The following SNX18 variants were observed in gnomAD, a reference collection of about 807,000 sequenced individuals.
The protein encoded by SNX18 is sorting nexin 18.
SNX18 carries 35 observed loss-of-function variants against 48.7 expected under a neutral mutation model. The observed-to-expected ratio is 0.72, with a 90% confidence interval of 0.55 to 0.95. The LOEUF is 0.95. Ranked by LOEUF, SNX18 falls within the 40% of genes least tolerant of loss-of-function variation. The probability of loss-of-function intolerance (pLI) is 0.00; values close to 1 mark genes in which losing one functional copy is unlikely to be tolerated. For synonymous variants in SNX18, 492 were observed against 384.7 expected (o/e 1.28, Z -3.26); for missense variants, 824 against 871.0 (o/e 0.95, Z 0.68).
chr5:54,646,052 T>C, the SNX18 span: 1 of 152,228 alleles, frequency 6.6e-6, no homozygotes, highest in East Asian at 1.9e-4. Context: ...TTATTGCTTT[T>C]TTCTTTCCAT....
At chr5:54,588,389 G>A in the SNX18 span, among the ~76,000 whole-genome samples, 7 of 129,644 alleles carry the variant, frequency 5.4e-5, no homozygotes, top group Non-Finnish European at 9.3e-5. Flanking sequence ...GTGCAGTGGC[G>A]TGATCTCAGC....
At position 54,543,176 on chromosome 5, in the gene SNX18, C is replaced by T; in HGVS notation, c.1622-3C>T. 1 of 1,612,054 alleles carries T rather than the reference C, an allele frequency of 6.2e-7. No homozygotes were observed. The highest frequency in any genetic ancestry group is 8.5e-7 in the Non-Finnish European group (1 of 1,179,088). Reference sequence around the variant, plus strand: ...TTTAATTAATTGTTATTTTTAACTACAGGAGCTCTTACCAAAGTCAAGGAG... The same window carrying T: ...TTTAATTAATTGTTATTTTTAACTATAGGAGCTCTTACCAAAGTCAAGGAG... On this transcript the variant is annotated splice_region_variant and splice_polypyrimidine_tract_variant and intron_variant, in intron 1 of 1. Transcript: ENST00000381410.
At chr5:54,524,416 C>G (rs538261166) in intron 1 of SNX18, among the ~76,000 whole-genome samples, 1 of 152,188 alleles carries the variant, frequency 6.6e-6, no homozygotes. Context: ...CTCAGGGAGC[C>G]TATGAGGTTT....
At chr5:54,634,638 G>A in the SNX18 span, among the ~76,000 whole-genome samples, 2 of 151,488 alleles carry the variant, frequency 1.3e-5, no homozygotes, top group East Asian at 1.9e-4. Flanking sequence ...GATTGGACAC[G>A]CCTGCAACAA....
chr5:54,518,702 C>T lies in SNX18; in HGVS notation c.750C>T (p.Gly250=), dbSNP rs148015838. The T allele has an allele frequency of 0.014, 21,496 of 1,584,452 alleles. 180 individuals carry two copies. Among genetic ancestry groups the T allele is most frequent in the Non-Finnish European group, 0.016 (19,066 of 1,165,694 alleles). ...GEAFVLGEAS[G]FVKDGDKLCV... Reference sequence around the variant, plus strand: ...CCTTCGTGCTGGGGGAGGCGTCAGGCTTCGTGAAGGACGGGGACAAGCTGT... The same window carrying T: ...CCTTCGTGCTGGGGGAGGCGTCAGGTTTCGTGAAGGACGGGGACAAGCTGT... The change falls in exon 1 of 2, where the codon GGC becomes GGT. Residue 250 remains glycine (G), a synonymous_variant. Transcript: ENST00000381410.
the SNX18 span, among the ~76,000 whole-genome samples, chr5:54,598,681 T>C: frequency 6.6e-6 from 1 of 152,070 alleles, no homozygotes; most frequent in African/African-American, 2.4e-5. Flanking sequence ...AAATTCAGCA[T>C]CCCTTTTTGT....
chr5:54,569,324 TG>T, the SNX18 span, among the ~76,000 whole-genome samples: 1 of 152,184 alleles, frequency 6.6e-6, no homozygotes, highest in African/African-American at 2.4e-5. Flanking sequence ...TTATACTTTT[TG>T]CAAAAAGTTG....
chr5:54,639,460 T>C, the SNX18 span, among the ~76,000 whole-genome samples: 2 of 152,228 alleles, frequency 1.3e-5, no homozygotes, highest in Non-Finnish European at 2.9e-5. Flanking sequence ...AAAGCCAATG[T>C]CACTTCCAGT....
At chr5:54,589,597 T>TA in the SNX18 span, among the ~76,000 whole-genome samples, 2 of 152,232 alleles carry the variant, frequency 1.3e-5, no homozygotes, top group African/African-American at 4.8e-5. Flanking sequence ...GAAAATCATT[T>TA]AACCTTCGGC....
rs191782148 is a variant in SNX18, at chr5:54,543,650, A to G, written c.*218A>G. 89 of 532,206 alleles carry G rather than the reference A, an allele frequency of 1.7e-4. No homozygotes were observed. In the East Asian group the frequency reaches 2.1e-3, roughly 12 times the overall value. 33.0% of individuals were successfully genotyped at this position (532,206 alleles called of 1,614,324 possible). ...CCACACATTGTAACTAAATTATACTATGTATGCCTACACTACCATTGTAAC... is the reference window on the plus strand; with the variant it reads ...CCACACATTGTAACTAAATTATACTGTGTATGCCTACACTACCATTGTAAC... On this transcript the variant is annotated 3_prime_UTR_variant, in exon 2 of 2. Coordinates refer to ENST00000381410, the MANE Select transcript of SNX18 (RefSeq NM_001102575.2).
chr5:54,642,551 C>CTGAT, the SNX18 span, among the ~76,000 whole-genome samples: 1 of 152,180 alleles, frequency 6.6e-6, no homozygotes, highest in African/African-American at 2.4e-5. Flanking sequence ...TGGCAGTGAG[C>CTGAT]TGATGTTCAG....
At chr5:54,555,663 C>T in the SNX18 span, among the ~76,000 whole-genome samples, 1 of 151,534 alleles carries the variant, frequency 6.6e-6, no homozygotes, top group Non-Finnish European at 1.5e-5. Context: ...CTGTTTCTAC[C>T]AAACAATACA....
downstream of SNX18, among the ~76,000 whole-genome samples, chr5:54,547,968 C>T (rs989167382): frequency 2.6e-5 from 4 of 152,044 alleles, no homozygotes; most frequent in African/African-American, 7.2e-5. Context: ...TTCTAGGCAG[C>T]GTATAGAGGG....
intron 1 of SNX18, among the ~76,000 whole-genome samples, chr5:54,528,025 A>G (rs1580098627): frequency 6.6e-6 from 1 of 151,894 alleles, no homozygotes; most frequent in Non-Finnish European, 1.5e-5. Context: ...TTCATTGGGG[A>G]GGGGAGGGGA....
the SNX18 span, among the ~76,000 whole-genome samples, chr5:54,621,124 C>T: frequency 6.6e-6 from 1 of 152,162 alleles, no homozygotes; most frequent in Non-Finnish European, 1.5e-5. Flanking sequence ...TCTGGTGTGA[C>T]TGTTCATCAC....
At chr5:54,600,261 C>A in the SNX18 span, among the ~76,000 whole-genome samples, 27 of 152,032 alleles carry the variant, frequency 1.8e-4, no homozygotes, top group Non-Finnish European at 2.2e-4. Context: ...AAATGCAAAT[C>A]AAAAAACCAC....
chr5:54,642,382 GTT>G, the SNX18 span, among the ~76,000 whole-genome samples: 1 of 146,018 alleles, frequency 6.8e-6, no homozygotes. Flanking sequence ...GTTATGTTGG[GTT>G]TTTTTTTTTT....
At chr5:54,532,265 C>T (rs2241403) in intron 1 of SNX18, among the ~76,000 whole-genome samples, 80,172 of 150,622 alleles carry the variant, frequency 0.53, 21,407 homozygotes, top group Non-Finnish European at 0.56. Context: ...TTGTATGTCA[C>T]GTGTCGAAAG....
At chr5:54,580,519 CAT>C in the SNX18 span, among the ~76,000 whole-genome samples, 1 of 152,094 alleles carries the variant, frequency 6.6e-6, no homozygotes, top group African/African-American at 2.4e-5. Flanking sequence ...CTAGGTGAGA[CAT>C]GTATCTTCTA....
Sources: allele counts gnomAD v4.1 joint callset (sites outside exome capture counted in the v4.1 genomes callset), GRCh38; gene constraint gnomAD v4.1.1; transcripts MANE v1.5; gene names NCBI Gene and HGNC (gene_info 2026-07-23, HGNC 2026-07-21).